MACROD2: variants seen among roughly 807,000 people sequenced by gnomAD.
MACROD2 encodes mono-ADP ribosylhydrolase 2.
In MACROD2, 36 loss-of-function variants were observed where a neutral mutation model predicts 70.4. The observed-to-expected ratio is 0.51, with a 90% CI of 0.39 to 0.68. The LOEUF (loss-of-function observed/expected upper bound fraction) is 0.68. Among genes scored for constraint, MACROD2 ranks in the 30% least tolerant of loss-of-function variants. MACROD2 has a pLI of 0.00. For missense variants in MACROD2, 496 were observed against 538.4 expected (o/e 0.92, Z 0.78); for synonymous variants, 172 against 178.8 (o/e 0.96, Z 0.30).
intron 3 of MACROD2, among the ~76,000 whole-genome samples, chr20:14,332,321 G>T (rs2082859315): frequency 6.6e-6 from 1 of 151,954 alleles, no homozygotes; most frequent in Admixed American, 6.6e-5. Context: ...ACTAATATAA[G>T]AAGTTGTATC....
intron 5 of MACROD2, among the ~76,000 whole-genome samples, chr20:14,718,292 CAAAAAAAAAAAAAAAAAAAA>C (rs11358439): frequency 1.8e-5 from 1 of 54,640 alleles, no homozygotes; most frequent in African/African-American, 8.1e-5. Flanking sequence ...GACTCTGTCT[CAAAAAAAAAAAAAAAAAAAA>C]AAAAAAGAAG....
chr20:14,064,477 C>T (rs770289358), intron 2 of MACROD2, among the ~76,000 whole-genome samples: 5 of 152,216 alleles, frequency 3.3e-5, no homozygotes, highest in Non-Finnish European at 7.3e-5. Flanking sequence ...CTGGCTCTCG[C>T]ACCTGCATTA....
At chr20:14,325,422 T>C in intron 3 of MACROD2, 1 of 857,638 alleles carries the variant, frequency 1.2e-6, no homozygotes, top group South Asian at 2.7e-5. Flanking sequence ...AAATATAAAT[T>C]ATATGGCAAA....
At chr20:14,536,553 A>G (rs1201756816) in intron 4 of MACROD2, among the ~76,000 whole-genome samples, 1 of 152,094 alleles carries the variant, frequency 6.6e-6, no homozygotes, top group African/African-American at 2.4e-5. Flanking sequence ...TAGGAGCAAA[A>G]TGATAATAAG....
At chr20:15,944,622 T>C (rs1488130644) in intron 12 of MACROD2, among the ~76,000 whole-genome samples, 1 of 152,190 alleles carries the variant, frequency 6.6e-6, no homozygotes, top group African/African-American at 2.4e-5. Context: ...ACCAGAAACA[T>C]CCTTTTAACT....
chr20:14,926,975 C>T (rs1358249004), intron 5 of MACROD2, among the ~76,000 whole-genome samples: 1 of 152,134 alleles, frequency 6.6e-6, no homozygotes, highest in East Asian at 1.9e-4. Context: ...TGGGTTTTAA[C>T]TAAATACATC....
At chr20:15,186,204 G>A (rs764438073) in intron 5 of MACROD2, among the ~76,000 whole-genome samples, 1 of 152,064 alleles carries the variant, frequency 6.6e-6, no homozygotes, top group African/African-American at 2.4e-5. Flanking sequence ...TGCTTTGGCT[G>A]TGTGGCTCTC....
intron 1 of MACROD2, chr20:13,996,351 TTC>T (rs1165626870): frequency 6.2e-6 from 1 of 160,996 alleles, no homozygotes; most frequent in Non-Finnish European, 1.3e-5. Flanking sequence ...CTAGGTTTCC[TTC>T]CTTCGCTGCC....
At chr20:14,689,424 A>G (rs940488794) in intron 5 of MACROD2, among the ~76,000 whole-genome samples, 2 of 152,154 alleles carry the variant, frequency 1.3e-5, no homozygotes, top group Admixed American at 1.3e-4. Flanking sequence ...GTGATATATA[A>G]TAGGGGTTCA....
At chr20:14,866,591 G>A (rs1044377618) in intron 5 of MACROD2, among the ~76,000 whole-genome samples, 1 of 152,060 alleles carries the variant, frequency 6.6e-6, no homozygotes, top group Non-Finnish European at 1.5e-5. Flanking sequence ...GCATAAAATT[G>A]TCCAGGAGAA....
chr20:15,071,412 T>C (rs556610101), intron 5 of MACROD2, among the ~76,000 whole-genome samples: 23 of 152,320 alleles, frequency 1.5e-4, no homozygotes, highest in African/African-American at 5.3e-4. Context: ...ATAGGAACTA[T>C]GTCAGATTCA....
intron 8 of MACROD2, among the ~76,000 whole-genome samples, chr20:15,804,940 C>T (rs1000548647): frequency 6.6e-6 from 1 of 152,168 alleles, no homozygotes; most frequent in Non-Finnish European, 1.5e-5. Flanking sequence ...AGTGAGATAA[C>T]GCCAAGATAT....
chr20:15,741,117 G>A (rs1180896175), intron 8 of MACROD2, among the ~76,000 whole-genome samples: 1 of 143,552 alleles, frequency 7.0e-6, no homozygotes, highest in Non-Finnish European at 1.5e-5. Flanking sequence ...TTTTGAGGTG[G>A]AGTCTCGCTC....
At chr20:14,501,420 G>C (rs546458738) in intron 4 of MACROD2, among the ~76,000 whole-genome samples, 19 of 151,070 alleles carry the variant, frequency 1.3e-4, no homozygotes, top group Admixed American at 2.6e-4. Context: ...ACTTGTCATT[G>C]ACATCATATT....
chr20:15,618,840 G>C (rs1224838840), intron 8 of MACROD2, among the ~76,000 whole-genome samples: 2 of 152,218 alleles, frequency 1.3e-5, no homozygotes, highest in Non-Finnish European at 2.9e-5. Context: ...AAAATTCTCA[G>C]AGCCGGCTGT....
chr20:14,241,240 A>G (rs1368299211), intron 3 of MACROD2, among the ~76,000 whole-genome samples: 2 of 152,258 alleles, frequency 1.3e-5, no homozygotes, highest in African/African-American at 4.8e-5. Flanking sequence ...GCATAATCTG[A>G]GATATTTATA....
intron 5 of MACROD2, among the ~76,000 whole-genome samples, chr20:14,773,237 T>C (rs1216790788): frequency 2.0e-5 from 3 of 152,054 alleles, no homozygotes; most frequent in Non-Finnish European, 4.4e-5. Context: ...TAAAAGAAAA[T>C]GAAAACTGAA....
chr20:15,995,411 G>A (rs186524394), intron 15 of MACROD2, among the ~76,000 whole-genome samples: 3 of 150,926 alleles, frequency 2.0e-5, no homozygotes, highest in African/African-American at 4.9e-5. Flanking sequence ...GTGCAGTGGC[G>A]CGATCTGGGC....
chr20:14,841,851 C>T (rs1331973864), intron 5 of MACROD2, among the ~76,000 whole-genome samples: 1 of 151,940 alleles, frequency 6.6e-6, no homozygotes, highest in African/African-American at 2.4e-5. Context: ...GGTTTTAAGA[C>T]TTTTATTTTG....
Sources: gnomAD v4.1 joint callset for allele counts (sites outside exome capture counted in the v4.1 genomes callset) on GRCh38, gnomAD v4.1.1 for gene constraint, MANE v1.5 for transcripts, NCBI Gene and HGNC (gene_info 2026-07-23, HGNC 2026-07-21) for gene names.